GRID2IP: variants seen among roughly 807,000 people sequenced by gnomAD.
The protein encoded by GRID2IP is Grid2 interacting protein.
Under a neutral mutation model 114.3 loss-of-function variants are expected in GRID2IP, and 78 were observed. The observed-to-expected ratio is 0.68, with a 90% CI of 0.57 to 0.82. The LOEUF (loss-of-function observed/expected upper bound fraction) is 0.82, where lower values mean the gene tolerates loss of function less well. Ranked by LOEUF, GRID2IP falls within the 40% of genes least tolerant of loss-of-function variation. The pLI is 0.00. For missense variants in GRID2IP, 1,727 were observed against 1,678.5 expected, an observed-to-expected ratio of 1.03 and a Z score of -0.51; for synonymous variants, 809 against 724.0, an observed-to-expected ratio of 1.12 and a Z score of -1.89.
In GRID2IP at chr7:6,534,632, G is replaced by T. The variant is rs1779693748; in HGVS notation, c.584+5086C>A. Among the ~76,000 whole-genome samples the T allele has an allele frequency of 6.6e-6, 1 of 152,200 alleles. No homozygotes were observed. The highest frequency in any genetic ancestry group is 2.4e-5 in the African/African-American group (1 of 41,450). ...CGGTAGCCGCTAGCCATATGTCACTGTCACTGTTGTGTGCTTGGAATGTGG... is the reference window on the plus strand; with the variant it reads ...CGGTAGCCGCTAGCCATATGTCACTTTCACTGTTGTGTGCTTGGAATGTGG... On this transcript the variant is annotated intron_variant, in intron 2 of 21. Coordinates refer to ENST00000457091, the MANE Select transcript of GRID2IP (RefSeq NM_001145118.2). This position sits in a 1 kb window ranked among gnomAD's most constrained non-coding sequence, Gnocchi z 4.5.
chr7:6,529,746 C>G (rs1452048632), intron 2 of GRID2IP, among the ~76,000 whole-genome samples: 1 of 152,096 alleles, frequency 6.6e-6, no homozygotes, highest in Admixed American at 6.6e-5. Flanking sequence ...AGTGGCAGTC[C>G]AGCAATCACT....
chr7:6,497,940 G>A lies in GRID2IP; in HGVS notation c.3565-95C>T, dbSNP rs866956493. On this transcript the variant is annotated intron_variant, in intron 21 of 21. Transcript: ENST00000457091. ...TCCCACACTAGACAGCCCATCAGGG[G>A]GTTAGGGGGACATGTCGCTCACTGG... 7.8e-5 allele frequency: 109 copies of A among 1,401,156 alleles called. 1 individual carries two copies. Among genetic ancestry groups the A allele is most frequent in the Middle Eastern group, 3.6e-4 (2 of 5,568 alleles). 86.8% of individuals were successfully genotyped at this position (1,401,156 alleles called of 1,614,324 possible).
chr7:6,503,701 G>T lies in GRID2IP; in HGVS notation c.2711-14C>A. 6.8e-7 allele frequency: 1 copy of T among 1,463,986 alleles called. No individual in the cohort carries two copies. Among genetic ancestry groups the T allele is most frequent in the South Asian group, 1.3e-5 (1 of 74,622 alleles). The allele number at this position is 1,463,986 out of a possible 1,614,324, so 90.7% of individuals were successfully genotyped here. ...CCAAGAGGATGGCTGCGGGCGGGGCGGGGCGGTGAGCTGGGCGGGGCCGGA... is the reference window on the plus strand; with the variant it reads ...CCAAGAGGATGGCTGCGGGCGGGGCTGGGCGGTGAGCTGGGCGGGGCCGGA... On this transcript the variant is annotated splice_polypyrimidine_tract_variant and intron_variant, in intron 15 of 21. Transcript: ENST00000457091.
chr7:6,521,862 C>G lies in GRID2IP; in HGVS notation c.989+26G>C, dbSNP rs748020469. On this transcript the variant is annotated intron_variant, in intron 5 of 21. Transcript: ENST00000457091. The surrounding 1 kb of genome is among the most constrained non-coding windows in gnomAD (Gnocchi z 4.1). Reference sequence around the variant, plus strand: ...GGGGTGGGGGCAGCTCCTCACCAACCCCTGGTGTCCCCAATAGCCTCTGAC... The same window carrying G: ...GGGGTGGGGGCAGCTCCTCACCAACGCCTGGTGTCCCCAATAGCCTCTGAC... 6.5e-7 allele frequency: 1 copy of G among 1,535,754 alleles called. No individual in the cohort carries two copies.
chr7:6,531,114 G>A (rs1203468502), intron 2 of GRID2IP: 1 of 533,820 alleles, frequency 1.9e-6, no homozygotes, highest in Non-Finnish European at 3.3e-6. Context: ...TGGAGCCGGG[G>A]ACCGCGGCGC....
At chr7:6,524,866 G>A (rs979636033) in intron 4 of GRID2IP, among the ~76,000 whole-genome samples, 12 of 151,780 alleles carry the variant, frequency 7.9e-5, no homozygotes, top group African/African-American at 2.4e-4. Context: ...ACAGGCACCT[G>A]CCACCACACC....
In GRID2IP at chr7:6,506,078, G is replaced by A. The variant is rs543135189; in HGVS notation, c.2545-171C>T. The stretch of plus-strand genomic sequence containing the variant: ...GACTGCAGGAGAAGCCAGATCATCC[G>A]AGTCACCGGGTGCTGAGCCAGCGCC... On this transcript the variant is annotated intron_variant, in intron 13 of 21. Coordinates refer to ENST00000457091, the MANE Select transcript of GRID2IP (RefSeq NM_001145118.2). This position sits in a 1 kb window ranked among gnomAD's most constrained non-coding sequence, Gnocchi z 5.2. Among the ~76,000 whole-genome samples, 33 of 152,324 alleles carry A rather than the reference G, an allele frequency of 2.2e-4. No homozygotes were observed. The highest frequency in any genetic ancestry group is 3.1e-4 in the Non-Finnish European group (21 of 68,028).
Position 6,501,763 on chromosome 7 carries a change from A to G in GRID2IP, c.3399+18T>C. The G allele has an allele frequency of 6.5e-7, 1 of 1,529,472 alleles. No individual in the cohort carries two copies. The highest frequency in any genetic ancestry group is 8.9e-7 in the Non-Finnish European group (1 of 1,127,350). The allele number at this position is 1,529,472 out of a possible 1,614,324, so 94.7% of individuals were successfully genotyped here. ...CCAGGATCCAGCCTGGTGCAGGAACAGGCTGCTCAGAGGATGCCGACATGA... is the reference window on the plus strand; with the variant it reads ...CCAGGATCCAGCCTGGTGCAGGAACGGGCTGCTCAGAGGATGCCGACATGA... On this transcript the variant is annotated intron_variant, in intron 20 of 21. Coordinates refer to ENST00000457091, the MANE Select transcript of GRID2IP (RefSeq NM_001145118.2).
chr7:6,551,303 G>C lies in GRID2IP; in HGVS notation c.134C>G (p.Pro45Arg). 6.5e-7 allele frequency: 1 copy of C among 1,543,606 alleles called. No homozygotes were observed. The highest frequency in any genetic ancestry group is 8.7e-7 in the Non-Finnish European group (1 of 1,146,540). ...GSSAHAGGLR[P>R]GDQILEVEGL... ...CTCCACCTCCAGGATCTGGTCTCCT[G>C]GCCGCAGTCCTCCGGCATGCGCGCT... Residue 45 changes from proline to arginine, a missense_variant, in exon 1 of 22, where the codon CCA (proline) becomes CGA (arginine). Pro to Arg is a moderately radical substitution (Grantham distance 103). Coordinates refer to ENST00000457091, the MANE Select transcript of GRID2IP (RefSeq NM_001145118.2).
At chr7:6,498,783 G>A (rs898772298) in intron 20 of GRID2IP, among the ~76,000 whole-genome samples, 2 of 151,750 alleles carry the variant, frequency 1.3e-5, no homozygotes, top group African/African-American at 2.4e-5. Flanking sequence ...GAGATGGGGT[G>A]TATGTTGCCT....
intron 2 of GRID2IP, among the ~76,000 whole-genome samples, chr7:6,531,610 C>A (rs1365738109): frequency 2.6e-5 from 4 of 152,206 alleles, no homozygotes; most frequent in African/African-American, 2.4e-5. Flanking sequence ...GGGAGGGACC[C>A]ACCTCAGCCT....
rs1377531423 is a variant in GRID2IP, at chr7:6,516,554, G to A, written c.1269-2025C>T. Among the ~76,000 whole-genome samples, 3 of 152,030 alleles carry A rather than the reference G, an allele frequency of 2.0e-5. No individual in the cohort carries two copies. Among genetic ancestry groups the A allele is most frequent in the Non-Finnish European group, 2.9e-5 (2 of 68,018 alleles). Reference sequence around the variant, plus strand: ...AACGCCAGTGCCTGGGAAGGCACCCGTTGCTTAGCAGACCGGGAAAGGGAG... The same window carrying A: ...AACGCCAGTGCCTGGGAAGGCACCCATTGCTTAGCAGACCGGGAAAGGGAG... On this transcript the variant is annotated intron_variant, in intron 7 of 21. Coordinates refer to ENST00000457091, the MANE Select transcript of GRID2IP (RefSeq NM_001145118.2). The surrounding 1 kb of genome is among the most constrained non-coding windows in gnomAD (Gnocchi z 4.3).
Position 6,508,545 on chromosome 7 carries a change from G to T in GRID2IP, c.2128-144C>A. 7.3e-7 allele frequency: 1 copy of T among 1,361,020 alleles called. No homozygotes were observed. Among genetic ancestry groups the T allele is most frequent in the Non-Finnish European group, 9.9e-7 (1 of 1,010,018 alleles). The allele number at this position is 1,361,020 out of a possible 1,614,324, so 84.3% of individuals were successfully genotyped here. A position where few individuals can be genotyped will look rare whatever the true frequency, so the allele number is the denominator to read the frequency against. ...GCCTCAGGCTGTGAGGGACACCTGG[G>T]CTAAGGATAGGACTGTCTCACAGGT... On this transcript the variant is annotated intron_variant, in intron 12 of 21. Coordinates refer to ENST00000457091, the MANE Select transcript of GRID2IP (RefSeq NM_001145118.2). The surrounding 1 kb of genome is among the most constrained non-coding windows in gnomAD (Gnocchi z 5.6).
intron 1 of GRID2IP, among the ~76,000 whole-genome samples, chr7:6,546,643 T>A (rs1012601679): frequency 6.6e-6 from 1 of 151,998 alleles, no homozygotes; most frequent in Non-Finnish European, 1.5e-5. Flanking sequence ...GAAGTCATTT[T>A]TGGAGATTCA....
rs116003490 is a variant in GRID2IP, at chr7:6,513,654, G to A, written c.1423+721C>T. On this transcript the variant is annotated intron_variant, in intron 8 of 21. Coordinates refer to ENST00000457091, the MANE Select transcript of GRID2IP (RefSeq NM_001145118.2). ...AGTGTCTAAAGTCTCAGGTTATGTT[G>A]TATATGCTGCATAAAGGTCACGCTG... 2.9e-3 allele frequency among the ~76,000 whole-genome samples: 447 copies of A among 152,314 alleles called. 2 individuals carry two copies. The highest frequency in any genetic ancestry group is 9.9e-3 in the African/African-American group (413 of 41,560).
chr7:6,509,197 A>T lies in GRID2IP; in HGVS notation c.1888T>A (p.Tyr630Asn). ...ASPSSSESHP[Y>N]ASLDSSRAPS... Reference sequence around the variant, plus strand: ...GCCCTGCTGCTGTCCAGGCTGGCGTAGGGGTGGGACTCAGAGCTGCTGGGG... The same window carrying T: ...GCCCTGCTGCTGTCCAGGCTGGCGTTGGGGTGGGACTCAGAGCTGCTGGGG... Residue 630 changes from tyrosine (Y) to asparagine (N), a missense_variant, in exon 12 of 22, where the codon TAC becomes AAC. Coordinates refer to ENST00000457091, the MANE Select transcript of GRID2IP (RefSeq NM_001145118.2). This position sits in a 1 kb window ranked among gnomAD's most constrained non-coding sequence, Gnocchi z 4.9. The T allele has an allele frequency of 6.7e-7, 1 of 1,485,150 alleles. No homozygotes were observed. The highest frequency in any genetic ancestry group is 9.0e-7 in the Non-Finnish European group (1 of 1,114,650). The allele number at this position is 1,485,150 out of a possible 1,614,324, so 92.0% of individuals were successfully genotyped here. A position where few individuals can be genotyped will look rare whatever the true frequency, so the allele number is the denominator to read the frequency against.
Position 6,510,694 on chromosome 7 carries a change from C to T in GRID2IP, c.1568G>A (p.Cys523Tyr). 1.3e-6 allele frequency: 2 copies of T among 1,548,324 alleles called. No individual in the cohort carries two copies. The highest frequency in any genetic ancestry group is 1.2e-5 in the South Asian group (1 of 83,654). The stretch of plus-strand genomic sequence containing the variant: ...GATCAGGGGAAGAGGCATCTCAGGG[C>T]ACTCGCTGGGACCTACCGGGGAATA... Reference protein sequence around the residue: ...EAGLSCGPSECPEMPLPLIPG... With the variant: ...EAGLSCGPSEYPEMPLPLIPG... The change falls in exon 10 of 22, where the codon TGC becomes TAC. Residue 523 changes from cysteine to tyrosine, a missense_variant. By Grantham distance (194) the Cys-to-Tyr change is radical. Transcript: ENST00000457091.
rs1779256739 is a variant in GRID2IP, at chr7:6,514,614, C to A, written c.1269-85G>T. On this transcript the variant is annotated intron_variant, in intron 7 of 21. Transcript: ENST00000457091. ...GTGGGGGTAGACAAGACGGCACTTC[C>A]AAGCCACAGCGTCTGCCCTCATGCC... is the stretch of plus-strand genomic sequence containing the variant. The A allele has an allele frequency of 1.4e-5, 18 of 1,249,290 alleles. No homozygotes were observed. In the South Asian group the frequency reaches 3.0e-4, roughly 21 times the overall value. The allele number at this position is 1,249,290 out of a possible 1,614,324, so 77.4% of individuals were successfully genotyped here. A position where few individuals can be genotyped will look rare whatever the true frequency, so the allele number is the denominator to read the frequency against.
At chr7:6,502,972 A>G in intron 17 of GRID2IP, 36 bp downstream of exon 17, 1 of 1,550,966 alleles carries the variant, frequency 6.4e-7, no homozygotes, top group Non-Finnish European at 8.7e-7. Flanking sequence ...GAGGCAGAGA[A>G]GCAGATAGGG....
Sources: allele counts gnomAD v4.1 joint callset (sites outside exome capture counted in the v4.1 genomes callset), GRCh38; gene constraint gnomAD v4.1.1; non-coding constraint Gnocchi (gnomAD v3.1); transcripts MANE v1.5; gene names NCBI Gene and HGNC (gene_info 2026-07-23, HGNC 2026-07-21).